Variants in SLCO5A1 observed in about 807,000 individuals in gnomAD.
The protein encoded by SLCO5A1 is organic anion transporter polypeptide-related protein 4.
Under a neutral mutation model 65.1 loss-of-function variants are expected in SLCO5A1, and 39 were observed. The ratio of observed to expected loss-of-function variants is 0.60; its 90% confidence interval spans 0.46 to 0.78. The LOEUF (loss-of-function observed/expected upper bound fraction) is 0.78, where lower values mean the gene tolerates loss of function less well. SLCO5A1 is among the 30% of genes least tolerant of loss of function. SLCO5A1 has a pLI of 0.00. For synonymous variants in SLCO5A1, 438 were observed against 415.7 expected, an observed-to-expected ratio of 1.05 and a Z score of -0.65; for missense variants, 1,029 against 1,069.4, an observed-to-expected ratio of 0.96 and a Z score of 0.53.
At chr8:69,698,576 G>T (rs1020772160) in intron 6 of SLCO5A1, among the ~76,000 whole-genome samples, 15 of 152,184 alleles carry the variant, frequency 9.9e-5, no homozygotes, top group African/African-American at 3.6e-4. Flanking sequence ...GCATGTCACT[G>T]TGGATTTGAT....
intron 2 of SLCO5A1, among the ~76,000 whole-genome samples, chr8:69,777,826 A>C (rs1330793923): frequency 1.3e-5 from 2 of 152,196 alleles, no homozygotes; most frequent in African/African-American, 4.8e-5. Flanking sequence ...GGATGCCAGA[A>C]GCAGACGGTC....
chr8:69,683,421 G>A (rs189901948), intron 6 of SLCO5A1, among the ~76,000 whole-genome samples: 1 of 152,072 alleles, frequency 6.6e-6, no homozygotes, highest in Non-Finnish European at 1.5e-5. Context: ...AGATTTAGAG[G>A]GGGTGAAAGA....
In SLCO5A1 at chr8:69,760,462, G is replaced by A. The variant is rs550395989; in HGVS notation, c.1040+1281C>T. 2.6e-4 allele frequency among the ~76,000 whole-genome samples: 40 copies of A among 152,100 alleles called. 1 individual carries two copies. The Middle Eastern group carries it at 0.01, about 39-fold the overall frequency. ...GTTAAACATTATTCCTACCAACCTC[G>A]GAGTTATGATGTTATTATCATGTAA... On this transcript the variant is annotated intron_variant, in intron 3 of 9. Coordinates refer to ENST00000260126, the MANE Select transcript of SLCO5A1 (RefSeq NM_030958.3).
At position 69,682,271 on chromosome 8, in the gene SLCO5A1, C is replaced by T. The variant is rs1313330519; in HGVS notation, c.1695G>A (p.Glu565=). 2 of 1,612,508 alleles carry T rather than the reference C, an allele frequency of 1.2e-6. No individual in the cohort carries two copies. Among genetic ancestry groups the T allele is most frequent in the East Asian group, 2.2e-5 (1 of 44,768 alleles). Residue 565 remains glutamate, a synonymous_variant, in exon 7 of 10, where the codon GAG becomes GAA. Transcript: ENST00000260126. The part of the protein sequence containing the change: ...CNVNCGCKIH[E]YEPVCGSDGI... ...CATCTGATCCACAGACTGGCTCATA[C>T]TCGTGTATTTTACAACCACAATTAA...
intron 2 of SLCO5A1, among the ~76,000 whole-genome samples, chr8:69,792,950 TTTG>T (rs201531082): frequency 0.014 from 2,124 of 152,124 alleles, 50 homozygotes; most frequent in African/African-American, 0.046. Flanking sequence ...TTTGTTTGTT[TTTG>T]TTGTTGTTGT....
chr8:69,748,845 G>A (rs1334226313), intron 4 of SLCO5A1, among the ~76,000 whole-genome samples: 1 of 152,078 alleles, frequency 6.6e-6, no homozygotes, highest in Non-Finnish European at 1.5e-5. Flanking sequence ...TGTGGACTGG[G>A]GCCTAAAGAC....
intron 5 of SLCO5A1, among the ~76,000 whole-genome samples, chr8:69,735,462 ATATGCACCATGGAATTC>A (rs1407521691): frequency 1.3e-5 from 2 of 152,374 alleles, no homozygotes; most frequent in East Asian, 3.9e-4. Context: ...AATGTGGTAC[ATATGCACCATGGAATTC>A]TATGCAGCCA....
chr8:69,683,645 C>T (rs941031990), intron 6 of SLCO5A1, among the ~76,000 whole-genome samples: 11 of 151,988 alleles, frequency 7.2e-5, no homozygotes, highest in Non-Finnish European at 1.2e-4. Flanking sequence ...TCACTGCACC[C>T]TCCACCTCCC....
At chr8:69,703,096 G>A (rs146850204) in intron 6 of SLCO5A1, among the ~76,000 whole-genome samples, 10,172 of 143,856 alleles carry the variant, frequency 0.071, 364 homozygotes, top group East Asian at 0.087. Flanking sequence ...GGGGGACAGA[G>A]AGAGACTCTG....
chr8:69,768,740 C>T (rs1035234735), intron 2 of SLCO5A1, among the ~76,000 whole-genome samples: 1 of 152,278 alleles, frequency 6.6e-6, no homozygotes, highest in Non-Finnish European at 1.5e-5. Flanking sequence ...CCTTAACAAC[C>T]TCCCTAAGGG....
intron 7 of SLCO5A1, among the ~76,000 whole-genome samples, chr8:69,681,798 G>T (rs1168310356): frequency 6.6e-6 from 1 of 152,042 alleles, no homozygotes; most frequent in East Asian, 1.9e-4. Flanking sequence ...TCCAGTCAGG[G>T]GAGGTGCTTT....
At chr8:69,820,611 T>C (rs1009092857) in intron 2 of SLCO5A1, among the ~76,000 whole-genome samples, 4 of 152,008 alleles carry the variant, frequency 2.6e-5, no homozygotes, top group Admixed American at 1.3e-4. Context: ...GGGAAGAGGA[T>C]TGCTGTGGTC....
rs546029416 is a variant in SLCO5A1 at position 69,800,929 on chromosome 8, G to A, written c.907+30838C>T. ...CACATGGCCCCATCCAACGCCAAAGGTGCCAGAAAGTACATTCCTACCCTG... is the reference window on the plus strand; with the variant it reads ...CACATGGCCCCATCCAACGCCAAAGATGCCAGAAAGTACATTCCTACCCTG... On this transcript the variant is annotated intron_variant, in intron 2 of 9. Coordinates refer to ENST00000260126, the MANE Select transcript of SLCO5A1 (RefSeq NM_030958.3). 1.4e-4 allele frequency among the ~76,000 whole-genome samples: 21 copies of A among 152,284 alleles called. No individual in the cohort carries two copies. The South Asian group carries it at 4.4e-3, about 32-fold the overall frequency.
chr8:69,823,946 C>T (rs185801246), intron 2 of SLCO5A1, among the ~76,000 whole-genome samples: 25 of 152,320 alleles, frequency 1.6e-4, no homozygotes, highest in South Asian at 8.3e-4. Context: ...ACAGTGCAAT[C>T]AAACTAGAAC....
chr8:69,706,176 T>C (rs1814961060), intron 5 of SLCO5A1, among the ~76,000 whole-genome samples: 1 of 152,212 alleles, frequency 6.6e-6, no homozygotes. Context: ...AGGAACCACA[T>C]GCAGCAGAAT....
intron 4 of SLCO5A1, among the ~76,000 whole-genome samples, chr8:69,742,811 T>TTTC (rs1816846647): frequency 7.0e-6 from 1 of 143,282 alleles, no homozygotes; most frequent in South Asian, 2.3e-4. Flanking sequence ...TTTTTTTTTT[T>TTTC]TTTTTTTGAG....
rs1167527063 is a variant in SLCO5A1 at position 69,761,801 on chromosome 8, C to T, written c.982G>A (p.Val328Ile). 1 of 1,613,900 alleles carries T rather than the reference C, an allele frequency of 6.2e-7. No homozygotes were observed. The highest frequency in any genetic ancestry group is 1.3e-5 in the African/African-American group (1 of 74,924). The change falls in exon 3 of 10, where the codon GTT becomes ATT. Residue 328 changes from valine to isoleucine, a missense_variant. Val to Ile is a conservative substitution (Grantham distance 29). Transcript: ENST00000260126. ...AGGTGAACAGGATTTCTGGGATCAA[C>T]ATAAAAACCAATAAGAAGTCCACCT... is the stretch of plus-strand genomic sequence containing the variant. The part of the protein sequence containing the change: ...LLGGLLIGFY[V>I]DPRNPVHLDQ...
intron 8 of SLCO5A1, among the ~76,000 whole-genome samples, chr8:69,679,117 C>G (rs2130786685): frequency 6.6e-6 from 1 of 150,904 alleles, no homozygotes; most frequent in Middle Eastern, 3.4e-3. Flanking sequence ...TCAAAAACAT[C>G]AAAAGACGTT....
intron 3 of SLCO5A1, among the ~76,000 whole-genome samples, chr8:69,759,632 C>T (rs1817674972): frequency 6.6e-6 from 1 of 152,108 alleles, no homozygotes; most frequent in African/African-American, 2.4e-5. Flanking sequence ...TACTCTTCAT[C>T]TCTCAATTTT....
Sources: allele counts gnomAD v4.1 joint callset (sites outside exome capture counted in the v4.1 genomes callset), GRCh38; gene constraint gnomAD v4.1.1; transcripts MANE v1.5; gene names NCBI Gene and HGNC (gene_info 2026-07-23, HGNC 2026-07-21).